MED13L: variants seen among roughly 807,000 people sequenced by gnomAD.
MED13L encodes the protein mediator complex subunit 13L.
A neutral mutation model predicts 220.9 loss-of-function variants in MED13L; 7 were observed. That is an observed-to-expected ratio of 0.03 (90% CI 0.02 to 0.06). The LOEUF (loss-of-function observed/expected upper bound fraction) is 0.06. MED13L is among the 10% of genes least tolerant of loss of function. MED13L has a pLI of 1.00. For synonymous variants in MED13L, 1,011 were observed against 1,015.2 expected, an observed-to-expected ratio of 1.00 and a Z score of 0.08; for missense variants, 1,965 against 2,760.5, an observed-to-expected ratio of 0.71 and a Z score of 6.46.
chr12:116,234,561 A>G (rs148000418), intron 2 of MED13L, among the ~76,000 whole-genome samples: 13 of 152,120 alleles, frequency 8.5e-5, no homozygotes, highest in Admixed American at 3.3e-4. Context: ...ATAAGCAGCA[A>G]TGTAAGAAAC....
intron 5 of MED13L, among the ~76,000 whole-genome samples, chr12:116,021,987 G>A (rs959099002): frequency 5.3e-5 from 8 of 152,028 alleles, no homozygotes; most frequent in African/African-American, 9.7e-5. Flanking sequence ...TAGGAACATC[G>A]CTGAAGAAAC....
intron 2 of MED13L, among the ~76,000 whole-genome samples, chr12:116,178,542 A>G (rs1172572173): frequency 6.6e-6 from 1 of 152,234 alleles, no homozygotes; most frequent in Admixed American, 6.5e-5. Flanking sequence ...ATTCATGTTA[A>G]AAGTATCCAA....
intron 29 of MED13L, among the ~76,000 whole-genome samples, chr12:115,965,440 C>T (rs1432638237): frequency 3.0e-4 from 46 of 151,188 alleles, no homozygotes; most frequent in Non-Finnish European, 3.0e-5. Context: ...TTCAGCAATC[C>T]CACCAACACC....
chr12:116,097,156 T>C (rs903872959), intron 3 of MED13L, among the ~76,000 whole-genome samples: 1 of 137,770 alleles, frequency 7.3e-6, no homozygotes, highest in Non-Finnish European at 1.5e-5. Flanking sequence ...ATCTTTCAAG[T>C]TTTTTTTTTT....
At chr12:116,186,947 T>TCTA (rs1480577557) in intron 2 of MED13L, among the ~76,000 whole-genome samples, 21 of 152,202 alleles carry the variant, frequency 1.4e-4, no homozygotes, top group African/African-American at 4.8e-4. Context: ...ACCCATCTTT[T>TCTA]CTACTGCTCT....
chr12:115,969,179 T>G, intron 27 of MED13L, 82 bp from the exon 28 acceptor site: 4 of 1,469,058 alleles, frequency 2.7e-6, no homozygotes, highest in Non-Finnish European at 3.7e-6. Flanking sequence ...ACCTAACCTA[T>G]GTCATGTTTT....
At chr12:116,077,508 G>A (rs565497607) in intron 4 of MED13L, among the ~76,000 whole-genome samples, 8 of 152,272 alleles carry the variant, frequency 5.3e-5, no homozygotes, top group African/African-American at 1.7e-4. Flanking sequence ...TGGACTGAAT[G>A]TCATAACTGT....
At chr12:116,048,241 C>G (rs748347407) in intron 4 of MED13L, among the ~76,000 whole-genome samples, 40 of 152,102 alleles carry the variant, frequency 2.6e-4, no homozygotes, top group Admixed American at 5.9e-4. Context: ...ACTCTAGGAA[C>G]TGAAAAAGGA....
chr12:116,214,054 T>C (rs1207333018), intron 2 of MED13L, among the ~76,000 whole-genome samples: 1 of 152,218 alleles, frequency 6.6e-6, no homozygotes, highest in Non-Finnish European at 1.5e-5. Context: ...ACAGCTACTC[T>C]GCCTATGGGG....
intron 8 of MED13L, among the ~76,000 whole-genome samples, 191 bp from the exon 9 acceptor site, chr12:116,013,092 C>A (rs1283418626): frequency 2.0e-5 from 3 of 152,172 alleles, no homozygotes; most frequent in Non-Finnish European, 4.4e-5. Context: ...TTCCATTTGG[C>A]TGGGCGCATG....
At chr12:116,026,147 G>C (rs1566017418) in intron 4 of MED13L, among the ~76,000 whole-genome samples, 1 of 152,154 alleles carries the variant, frequency 6.6e-6, no homozygotes, top group Non-Finnish European at 1.5e-5. Context: ...GTCAAAAAAA[G>C]GATGTCGGGG....
At chr12:116,119,683 C>A (rs1230395598) in intron 2 of MED13L, among the ~76,000 whole-genome samples, 1 of 151,086 alleles carries the variant, frequency 6.6e-6, no homozygotes, top group East Asian at 1.9e-4. Flanking sequence ...CACGGGCCTG[C>A]AGTCCTAGCT....
intron 4 of MED13L, among the ~76,000 whole-genome samples, chr12:116,075,218 C>T (rs139718035): frequency 2.5e-3 from 384 of 152,316 alleles, no homozygotes; most frequent in African/African-American, 9.0e-3. Context: ...AACTTGGAAT[C>T]AGACTGTTCT....
At chr12:116,223,533 C>T (rs1358250814) in intron 2 of MED13L, among the ~76,000 whole-genome samples, 3 of 151,874 alleles carry the variant, frequency 2.0e-5, no homozygotes, top group African/African-American at 2.4e-5. Context: ...GGCGAAACCC[C>T]GTCTTTACTA....
At chr12:116,189,685 T>C (rs985033542) in intron 2 of MED13L, among the ~76,000 whole-genome samples, 4 of 152,190 alleles carry the variant, frequency 2.6e-5, no homozygotes, top group African/African-American at 9.7e-5. Flanking sequence ...GAGACATTGT[T>C]TGGACTATGG....
chr12:116,166,530 G>A (rs899542084), intron 2 of MED13L, among the ~76,000 whole-genome samples: 1 of 151,954 alleles, frequency 6.6e-6, no homozygotes, highest in African/African-American at 2.4e-5. Context: ...GCTGCAGTGA[G>A]CCAAGATTGC....
chr12:116,102,710 CTT>C (rs869201518), intron 3 of MED13L, among the ~76,000 whole-genome samples: 3 of 68,672 alleles, frequency 4.4e-5, no homozygotes, highest in African/African-American at 5.7e-5. Context: ...TTTCTTTTTT[CTT>C]TTTTTTTTTT....
intron 2 of MED13L, 115 bp downstream of exon 2, chr12:116,237,353 C>T (rs1870182576): frequency 3.5e-6 from 3 of 853,524 alleles, no homozygotes; most frequent in Non-Finnish European, 5.8e-6. Context: ...AGAGAGACAT[C>T]CATGAAACAC....
chr12:116,009,564 G>A (rs1220441266), intron 9 of MED13L, among the ~76,000 whole-genome samples: 1 of 152,144 alleles, frequency 6.6e-6, no homozygotes, highest in Admixed American at 6.5e-5. Context: ...ATAATGGCTT[G>A]TAGTGCTGTA....
Sources: allele counts gnomAD v4.1 joint callset (sites outside exome capture counted in the v4.1 genomes callset), GRCh38; gene constraint gnomAD v4.1.1; transcripts MANE v1.5; gene names NCBI Gene and HGNC (gene_info 2026-07-23, HGNC 2026-07-21).